CHN2: variants seen among roughly 807,000 people sequenced by gnomAD.
CHN2 encodes chimerin 2.
CHN2 carries 35 observed loss-of-function variants against 56.3 expected under a neutral mutation model. The observed-to-expected ratio is 0.62, with a 90% CI of 0.47 to 0.82. CHN2 has a LOEUF of 0.82. CHN2 is among the 40% of genes least tolerant of loss of function. CHN2 has a pLI of 0.00. For synonymous variants in CHN2, 210 were observed against 212.8 expected, an observed-to-expected ratio of 0.99 and a Z score of 0.12; for missense variants, 491 against 580.5, an observed-to-expected ratio of 0.85 and a Z score of 1.58.
chr7:29,236,520 C>T (rs1257640515), intron 1 of CHN2, among the ~76,000 whole-genome samples: 1 of 152,208 alleles, frequency 6.6e-6, no homozygotes, highest in East Asian at 1.9e-4. Context: ...TGATTTCACA[C>T]ACAACTGCAA....
chr7:29,448,806 A>AT (rs113967989), intron 6 of CHN2, among the ~76,000 whole-genome samples: 22,879 of 152,106 alleles, frequency 0.15, 2,424 homozygotes, highest in African/African-American at 0.3. Flanking sequence ...AGAGCACACT[A>AT]TATCTCCCCC....
At chr7:29,211,109 C>T (rs6953919) in intron 1 of CHN2, among the ~76,000 whole-genome samples, 119,094 of 150,968 alleles carry the variant, frequency 0.79, 47,580 homozygotes, top group East Asian at 0.97. Context: ...CTCGCTCTAT[C>T]GCCCAGGCTG....
At chr7:29,248,791 A>G (rs1788271836) in intron 1 of CHN2, among the ~76,000 whole-genome samples, 1 of 152,168 alleles carries the variant, frequency 6.6e-6, no homozygotes, top group Admixed American at 6.5e-5. Flanking sequence ...CACACCAGTA[A>G]GTTGGGTGCT....
At chr7:29,286,091 T>C (rs1792114799) in intron 1 of CHN2, among the ~76,000 whole-genome samples, 1 of 152,164 alleles carries the variant, frequency 6.6e-6, no homozygotes, top group Non-Finnish European at 1.5e-5. Flanking sequence ...TCCTCCTGCA[T>C]GCCCACAAAC....
chr7:29,416,047 G>T (rs939766552), intron 6 of CHN2, among the ~76,000 whole-genome samples: 1 of 152,172 alleles, frequency 6.6e-6, no homozygotes, highest in Non-Finnish European at 1.5e-5. Context: ...GGATAAATGC[G>T]GCCCCACAGA....
chr7:29,487,578 G>A (rs992296454), intron 7 of CHN2, among the ~76,000 whole-genome samples: 2 of 152,126 alleles, frequency 1.3e-5, no homozygotes, highest in Non-Finnish European at 2.9e-5. Flanking sequence ...GGAATACTCA[G>A]AACTCAGGGA....
intron 6 of CHN2, among the ~76,000 whole-genome samples, chr7:29,442,930 A>ATTTTTTTTTTTTTTT (rs1238691449): frequency 2.9e-5 from 3 of 102,184 alleles, no homozygotes; most frequent in African/African-American, 5.0e-5. Context: ...ATTTCATTGA[A>ATTTTTTTTTTTTTTT]TTTCTTTTTT....
intron 4 of CHN2, among the ~76,000 whole-genome samples, chr7:29,394,712 A>G (rs1381353951): frequency 6.6e-6 from 1 of 152,152 alleles, no homozygotes; most frequent in Non-Finnish European, 1.5e-5. Flanking sequence ...TTTCCTCAGT[A>G]TGCTTATTTG....
At chr7:29,399,306 G>A (rs1002355575) in intron 5 of CHN2, among the ~76,000 whole-genome samples, 4 of 152,172 alleles carry the variant, frequency 2.6e-5, no homozygotes, top group African/African-American at 4.8e-5. Flanking sequence ...GGCCTTGCAC[G>A]TGCAGACCTC....
At chr7:29,397,827 T>G (rs1801878318) in intron 4 of CHN2, 2 of 152,254 alleles carry the variant, frequency 1.3e-5, no homozygotes, top group Non-Finnish European at 2.9e-5. Flanking sequence ...ATAGGTACAT[T>G]TTCTAAAATA....
chr7:29,302,684 C>T (rs1793786810), intron 1 of CHN2, among the ~76,000 whole-genome samples: 1 of 151,886 alleles, frequency 6.6e-6, no homozygotes, highest in Admixed American at 6.6e-5. Context: ...GTTATGTGGC[C>T]ATCACCACCA....
chr7:29,510,539 TG>T (rs1168032969), intron 12 of CHN2, among the ~76,000 whole-genome samples: 5 of 152,184 alleles, frequency 3.3e-5, no homozygotes, highest in Admixed American at 2.0e-4. Flanking sequence ...TAAAGGCTGT[TG>T]GACTGAAGGC....
chr7:29,430,162 TTTG>T (rs1181462274), intron 6 of CHN2, among the ~76,000 whole-genome samples: 2 of 152,184 alleles, frequency 1.3e-5, no homozygotes, highest in African/African-American at 4.8e-5. Flanking sequence ...GTGCAGGGCA[TTTG>T]TTGTTTCCTG....
At chr7:29,278,451 CA>C (rs11372938) in intron 1 of CHN2, among the ~76,000 whole-genome samples, 2,722 of 142,918 alleles carry the variant, frequency 0.019, 82 homozygotes, top group African/African-American at 0.064. Flanking sequence ...ACTTTATTTA[CA>C]AAAAAAAAAA....
chr7:29,280,109 C>T (rs1041138676), intron 1 of CHN2, among the ~76,000 whole-genome samples: 2 of 152,192 alleles, frequency 1.3e-5, no homozygotes, highest in African/African-American at 4.8e-5. Flanking sequence ...GGAGGCCATG[C>T]GCGGTGGCTC....
chr7:29,507,760 C>T (rs73310917), intron 11 of CHN2, among the ~76,000 whole-genome samples: 3,071 of 152,180 alleles, frequency 0.02, 114 homozygotes, highest in African/African-American at 0.068. Context: ...TCTTGGGCCA[C>T]ACATAAAATA....
chr7:29,222,490 C>CGTGGTACTGGTACATAA (rs374718249), intron 1 of CHN2, among the ~76,000 whole-genome samples: 1 of 151,846 alleles, frequency 6.6e-6, no homozygotes, highest in African/African-American at 2.4e-5. Context: ...ACCAAAACAG[C>CGTGGTACTGGTACATAA]ACAGACACAC....
At chr7:29,275,388 C>T (rs1312263296) in intron 1 of CHN2, among the ~76,000 whole-genome samples, 1 of 152,144 alleles carries the variant, frequency 6.6e-6, no homozygotes, top group Non-Finnish European at 1.5e-5. Flanking sequence ...ATTAAAAGTA[C>T]TGCACTATAT....
chr7:29,427,675 T>TG (rs1490683452), intron 6 of CHN2, among the ~76,000 whole-genome samples: 3 of 144,084 alleles, frequency 2.1e-5, no homozygotes, highest in Admixed American at 1.4e-4. Flanking sequence ...TTTTTTTTTT[T>TG]GAGATAGAGT....
Sources: allele counts gnomAD v4.1 joint callset (sites outside exome capture counted in the v4.1 genomes callset), GRCh38; gene constraint gnomAD v4.1.1; transcripts MANE v1.5; gene names NCBI Gene and HGNC (gene_info 2026-07-23, HGNC 2026-07-21).